PMS1: variants seen among roughly 807,000 people sequenced by gnomAD.
PMS1 encodes the protein PMS1 protein homolog 1.
A neutral mutation model predicts 93.1 loss-of-function variants in PMS1; 79 were observed. The observed-to-expected ratio is 0.85, with a 90% CI of 0.71 to 1.02. The LOEUF is 1.02. PMS1 is among the 50% of genes least tolerant of loss of function. The probability of loss-of-function intolerance (pLI) is 0.00; values close to 1 mark genes in which losing one functional copy is unlikely to be tolerated. For missense variants in PMS1, 1,064 were observed against 1,085.3 expected (o/e 0.98, Z 0.28); for synonymous variants, 335 against 363.4 (o/e 0.92, Z 0.89).
intron 11 of PMS1, among the ~76,000 whole-genome samples, chr2:189,873,126 A>G (rs1366039297): frequency 6.6e-6 from 1 of 152,234 alleles, no homozygotes; most frequent in African/African-American, 2.4e-5. Context: ...AGATATTGAA[A>G]TGGTAGGGTA....
At position 189,856,294 on chromosome 2, in the gene PMS1, A is replaced by G. The variant is rs2055327891; in HGVS notation, c.1856+1166A>G. 2.0e-5 allele frequency among the ~76,000 whole-genome samples: 3 copies of G among 152,038 alleles called. No homozygotes were observed. The South Asian group carries it at 6.2e-4, about 31-fold the overall frequency. On this transcript the variant is annotated intron_variant, in intron 9 of 12. Coordinates refer to ENST00000441310, the MANE Select transcript of PMS1 (RefSeq NM_000534.5). ...TAGTCAGCCCTATTAGTCCTGTTTC[A>G]TCCATACTTCCATTCACTTTCTTTC...
intron 5 of PMS1, among the ~76,000 whole-genome samples, chr2:189,843,510 T>A (rs1392084689): frequency 6.6e-6 from 1 of 152,220 alleles, no homozygotes; most frequent in Non-Finnish European, 1.5e-5. Context: ...TTTATGTAAA[T>A]CCTGTAACAT....
At chr2:189,825,574 C>T (rs568880948) in intron 5 of PMS1, among the ~76,000 whole-genome samples, 1 of 152,154 alleles carries the variant, frequency 6.6e-6, no homozygotes, top group Non-Finnish European at 1.5e-5. Flanking sequence ...AAGGGCTACT[C>T]CTATATACAT....
intron 4 of PMS1, among the ~76,000 whole-genome samples, chr2:189,810,726 A>C (rs769016018): frequency 6.6e-6 from 1 of 152,210 alleles, no homozygotes; most frequent in Non-Finnish European, 1.5e-5. Context: ...AAGACATTTG[A>C]ACTGGAACTA....
chr2:189,801,064 T>C (rs1379853607), intron 3 of PMS1, among the ~76,000 whole-genome samples: 5 of 152,242 alleles, frequency 3.3e-5, no homozygotes, highest in Admixed American at 6.5e-5. Context: ...GGTCTCACTC[T>C]CTTGTTCAGG....
At chr2:189,868,439 G>A (rs1020766360) in intron 11 of PMS1, among the ~76,000 whole-genome samples, 8 of 152,128 alleles carry the variant, frequency 5.3e-5, no homozygotes, top group African/African-American at 1.9e-4. Context: ...AAATTCATTG[G>A]GTGGATTTAA....
chr2:189,825,632 T>C lies in PMS1; in HGVS notation c.582+7452T>C, dbSNP rs375489027. 2.6e-5 allele frequency among the ~76,000 whole-genome samples: 4 copies of C among 152,216 alleles called. No individual in the cohort carries two copies. In the East Asian group the frequency reaches 5.8e-4, roughly 22 times the overall value. On this transcript the variant is annotated intron_variant, in intron 5 of 12. Transcript: ENST00000441310. ...TACTTGCTTTTCCAAAAATATTATT[T>C]GTGGTTTTAAGAATTGTTTTGATTG...
intron 12 of PMS1, among the ~76,000 whole-genome samples, chr2:189,875,217 G>C (rs758228283): frequency 2.7e-5 from 4 of 150,050 alleles, no homozygotes; most frequent in Admixed American, 6.7e-5. Flanking sequence ...AAGACTATCA[G>C]ATATGGCTAC....
At chr2:189,797,310 A>G (rs889299572) in intron 3 of PMS1, among the ~76,000 whole-genome samples, 4 of 152,204 alleles carry the variant, frequency 2.6e-5, no homozygotes, top group Admixed American at 2.0e-4. Flanking sequence ...CTCAGTGTCT[A>G]TGAACTCCTG....
In PMS1 at chr2:189,874,132, C is replaced by T. The variant is rs75565364; in HGVS notation, c.2634+476C>T. On this transcript the variant is annotated intron_variant, in intron 12 of 12. Coordinates refer to ENST00000441310, the MANE Select transcript of PMS1 (RefSeq NM_000534.5). ...AAAAAAAGAACACTCTATTAAGTTT[C>T]ACATCATAGACTGACTGTGGTAAAC... is the stretch of plus-strand genomic sequence containing the variant. Among the ~76,000 whole-genome samples the T allele has an allele frequency of 1.8e-4, 28 of 151,704 alleles. No homozygotes were observed. The East Asian group carries it at 4.1e-3, about 22-fold the overall frequency.
chr2:189,818,064 A>C lies in PMS1; in HGVS notation c.466A>C (p.Lys156Gln). Residue 156 changes from lysine (K) to glutamine (Q), a missense_variant, in exon 5 of 13, where the codon AAG becomes CAG. Physicochemically the swap from Lys to Gln is moderately conservative, Grantham distance 53 (BLOSUM62 1). Coordinates refer to ENST00000441310, the MANE Select transcript of PMS1 (RefSeq NM_000534.5). ...ATTATTTAAGAATCTACCTGTAAGA[A>C]AGCAGTTTTACTCAACTGCAAAAAA... ...LRLFKNLPVR[K>Q]QFYSTAKKCK... The C allele has an allele frequency of 6.2e-7, 1 of 1,607,412 alleles. No homozygotes were observed. The highest frequency in any genetic ancestry group is 8.5e-7 in the Non-Finnish European group (1 of 1,174,284).
At chr2:189,840,156 T>C (rs1035368447) in intron 5 of PMS1, among the ~76,000 whole-genome samples, 1 of 152,206 alleles carries the variant, frequency 6.6e-6, no homozygotes, top group Non-Finnish European at 1.5e-5. Flanking sequence ...CAGTGTTTAT[T>C]TGAGCAAATA....
chr2:189,829,662 C>G (rs2052751493), intron 5 of PMS1, among the ~76,000 whole-genome samples: 1 of 152,160 alleles, frequency 6.6e-6, no homozygotes, highest in East Asian at 1.9e-4. Flanking sequence ...AATAGTGCCT[C>G]TGTAAATTCA....
intron 6 of PMS1, among the ~76,000 whole-genome samples, chr2:189,852,035 A>G (rs998868373): frequency 6.6e-6 from 1 of 152,158 alleles, no homozygotes; most frequent in Admixed American, 6.5e-5. Context: ...ATACATTTGT[A>G]AAGTAGAGAA....
intron 3 of PMS1, among the ~76,000 whole-genome samples, chr2:189,796,235 G>A (rs565652038): frequency 6.6e-6 from 1 of 152,154 alleles, no homozygotes; most frequent in East Asian, 1.9e-4. Flanking sequence ...CCTCACGTCT[G>A]TAGTCCCAGC....
At chr2:189,808,803 T>G (rs2050571945) in intron 4 of PMS1, among the ~76,000 whole-genome samples, 1 of 152,182 alleles carries the variant, frequency 6.6e-6, no homozygotes. Flanking sequence ...TTTTAAAGCA[T>G]TTTTTTAAAC....
intron 1 of PMS1, among the ~76,000 whole-genome samples, chr2:189,787,418 A>G (rs2048453289): frequency 6.6e-6 from 1 of 152,206 alleles, no homozygotes; most frequent in African/African-American, 2.4e-5. Flanking sequence ...CCTACATTCA[A>G]AAGTTGTACA....
intron 4 of PMS1, among the ~76,000 whole-genome samples, chr2:189,815,599 C>T (rs1406117950): frequency 6.6e-6 from 1 of 152,188 alleles, no homozygotes; most frequent in Non-Finnish European, 1.5e-5. Context: ...ATGTGAATTT[C>T]CTGAGGCCTC....
intron 3 of PMS1, among the ~76,000 whole-genome samples, chr2:189,805,111 TAAA>T (rs1223397017): frequency 6.6e-6 from 1 of 152,038 alleles, no homozygotes; most frequent in East Asian, 1.9e-4. Flanking sequence ...TTTTAATTAA[TAAA>T]AAATTTAGCC....
Sources: gnomAD v4.1 joint callset for allele counts (sites outside exome capture counted in the v4.1 genomes callset) on GRCh38, gnomAD v4.1.1 for gene constraint, MANE v1.5 for transcripts, NCBI Gene and HGNC (gene_info 2026-07-23, HGNC 2026-07-21) for gene names.